The following RALGAPA2 variants were observed in gnomAD, a reference collection of about 807,000 sequenced individuals.
RALGAPA2 encodes the protein ral GTPase-activating protein subunit alpha-2.
A neutral mutation model predicts 230.4 loss-of-function variants in RALGAPA2; 139 were observed. That is an observed-to-expected ratio of 0.60 (90% CI 0.53 to 0.69). The LOEUF (loss-of-function observed/expected upper bound fraction) is 0.69, where lower values mean the gene tolerates loss of function less well. Among genes scored for constraint, RALGAPA2 ranks in the 30% least tolerant of loss-of-function variants. The pLI is 0.00. For missense variants in RALGAPA2, 2,163 were observed against 2,276.0 expected (o/e 0.95, Z 1.01); for synonymous variants, 847 against 837.8 (o/e 1.01, Z -0.19).
rs35240382 is a variant in RALGAPA2, at chr20:20,582,161, AGTGTGT to A, written c.2707+883_2707+888del. ...GAGGTTGACTTACCCAGTGTCACAC[AGTGTGT>A]GTGTGTGTGTGTGTGTGTGTGTGTG... On this transcript the variant is annotated intron_variant, in intron 20 of 39. Coordinates refer to ENST00000202677, the MANE Select transcript of RALGAPA2 (RefSeq NM_020343.4). 3.9e-3 allele frequency among the ~76,000 whole-genome samples: 573 copies of A among 146,152 alleles called. 3 individuals carry two copies. Among genetic ancestry groups the A allele is most frequent in the African/African-American group, 0.012 (489 of 39,640 alleles).
chr20:20,493,493 C>A (rs1214182666), intron 36 of RALGAPA2, among the ~76,000 whole-genome samples: 1 of 152,170 alleles, frequency 6.6e-6, no homozygotes, highest in East Asian at 1.9e-4. Context: ...TATAAGTGTA[C>A]TATCTTTTTA....
At chr20:20,636,591 C>T (rs1247012188) in intron 8 of RALGAPA2, among the ~76,000 whole-genome samples, 1 of 151,302 alleles carries the variant, frequency 6.6e-6, no homozygotes, top group Non-Finnish European at 1.5e-5. Flanking sequence ...TGTACGCATA[C>T]ATAGAAACAC....
intron 36 of RALGAPA2, among the ~76,000 whole-genome samples, chr20:20,491,776 TG>T (rs2123568340): frequency 2.0e-5 from 3 of 152,156 alleles, no homozygotes; most frequent in African/African-American, 7.2e-5. Context: ...TTTATGGAGA[TG>T]GACTTATTTT....
intron 3 of RALGAPA2, among the ~76,000 whole-genome samples, chr20:20,653,829 A>C (rs1383992989): frequency 6.6e-6 from 1 of 152,144 alleles, no homozygotes; most frequent in Non-Finnish European, 1.5e-5. Flanking sequence ...CTCCAAAAGA[A>C]AACAAGAAAA....
intron 37 of RALGAPA2, among the ~76,000 whole-genome samples, chr20:20,444,267 C>T (rs759121725): frequency 1.4e-4 from 21 of 152,132 alleles, no homozygotes; most frequent in Non-Finnish European, 2.1e-4. Flanking sequence ...TGCAAATTCA[C>T]GGCTTGCATT....
At chr20:20,407,680 G>A (rs2059974480) in intron 38 of RALGAPA2, among the ~76,000 whole-genome samples, 1 of 152,214 alleles carries the variant, frequency 6.6e-6, no homozygotes, top group African/African-American at 2.4e-5. Flanking sequence ...AGTGACACCA[G>A]GCAGAGTCTT....
chr20:20,587,189 G>A (rs1311331322), intron 18 of RALGAPA2, among the ~76,000 whole-genome samples: 2 of 152,100 alleles, frequency 1.3e-5, no homozygotes, highest in African/African-American at 4.8e-5. Flanking sequence ...AACCAGACAG[G>A]ACCGGATGGA....
chr20:20,395,736 C>T (rs1229872663), intron 39 of RALGAPA2, among the ~76,000 whole-genome samples: 6 of 152,108 alleles, frequency 3.9e-5, no homozygotes, highest in Admixed American at 3.9e-4. Context: ...ATGCTGGCTG[C>T]TCCTCTGGCC....
At chr20:20,530,960 A>G (rs975436294) in intron 27 of RALGAPA2, among the ~76,000 whole-genome samples, 1 of 152,180 alleles carries the variant, frequency 6.6e-6, no homozygotes, top group Non-Finnish European at 1.5e-5. Flanking sequence ...GGACCTAGGA[A>G]AGGATCCAGC....
At chr20:20,599,366 T>C (rs945990303) in intron 16 of RALGAPA2, among the ~76,000 whole-genome samples, 4 of 152,248 alleles carry the variant, frequency 2.6e-5, no homozygotes, top group African/African-American at 9.6e-5. Flanking sequence ...CATCCTTTTA[T>C]GTCACATTTC....
intron 38 of RALGAPA2, among the ~76,000 whole-genome samples, chr20:20,399,954 A>G (rs2059797839): frequency 6.6e-6 from 1 of 152,224 alleles, no homozygotes; most frequent in Admixed American, 6.5e-5. Flanking sequence ...CTGGTTCAAG[A>G]TAATTAGGAA....
intron 39 of RALGAPA2, among the ~76,000 whole-genome samples, chr20:20,396,432 G>A (rs955514014): frequency 6.6e-5 from 10 of 152,262 alleles, no homozygotes; most frequent in African/African-American, 1.9e-4. Flanking sequence ...AAGGGCAGGC[G>A]ACAAAGACAT....
Position 20,390,485 on chromosome 20 carries a change from GA to G in RALGAPA2, c.*2803del, listed in dbSNP as rs1023345318. On this transcript the variant is annotated 3_prime_UTR_variant, in exon 40 of 40. Coordinates refer to ENST00000202677, the MANE Select transcript of RALGAPA2 (RefSeq NM_020343.4). ...GGAATAGGTGTGCAGAGAAGTGAGGGAACTGGCCTGGCCCTGCCTGAGGCCA... is the reference window on the plus strand; with the variant it reads ...GGAATAGGTGTGCAGAGAAGTGAGGGACTGGCCTGGCCCTGCCTGAGGCCA... 3.3e-5 allele frequency: 5 copies of G among 152,132 alleles called. No homozygotes were observed. Among genetic ancestry groups the G allele is most frequent in the African/African-American group, 1.2e-4 (5 of 41,416 alleles). 9.4% of individuals were successfully genotyped at this position (152,132 alleles called of 1,614,324 possible).
At chr20:20,499,264 G>A (rs2062302468) in intron 35 of RALGAPA2, among the ~76,000 whole-genome samples, 1 of 151,992 alleles carries the variant, frequency 6.6e-6, no homozygotes, top group South Asian at 2.1e-4. Context: ...ATTCAACCAG[G>A]CCAAGTCTTA....
At chr20:20,461,293 T>C (rs188096833) in intron 37 of RALGAPA2, among the ~76,000 whole-genome samples, 8 of 152,344 alleles carry the variant, frequency 5.3e-5, no homozygotes, top group East Asian at 1.9e-4. Flanking sequence ...TTAAAAATTA[T>C]ATGAAAATAC....
At chr20:20,536,386 A>G (rs1030476395) in intron 25 of RALGAPA2, among the ~76,000 whole-genome samples, 2 of 152,256 alleles carry the variant, frequency 1.3e-5, no homozygotes, top group African/African-American at 4.8e-5. Context: ...AGGGCAATTC[A>G]CTACATGATT....
chr20:20,412,174 G>C (rs762814278), intron 37 of RALGAPA2, 26 bp from the exon 38 acceptor site: 3 of 1,612,622 alleles, frequency 1.9e-6, no homozygotes, highest in African/African-American at 2.7e-5. Flanking sequence ...AAGGAAACAA[G>C]TGCACGTGCA....
intron 4 of RALGAPA2, among the ~76,000 whole-genome samples, chr20:20,647,911 A>T (rs2067269895): frequency 6.6e-6 from 1 of 152,222 alleles, no homozygotes; most frequent in Non-Finnish European, 1.5e-5. Flanking sequence ...TGCTGGTAGG[A>T]ATATAAAATG....
intron 37 of RALGAPA2, among the ~76,000 whole-genome samples, chr20:20,448,837 A>G (rs888365532): frequency 5.9e-5 from 9 of 152,128 alleles, no homozygotes; most frequent in Admixed American, 5.9e-4. Flanking sequence ...TACTTACTCA[A>G]AAAGCGACCT....
Sources: allele counts gnomAD v4.1 joint callset (sites outside exome capture counted in the v4.1 genomes callset), GRCh38; gene constraint gnomAD v4.1.1; transcripts MANE v1.5; gene names NCBI Gene and HGNC (gene_info 2026-07-23, HGNC 2026-07-21).